SCUBE1: variants seen among roughly 807,000 people sequenced by gnomAD.
SCUBE1 encodes signal peptide, CUB domain and EGF like domain containing 1.
SCUBE1 carries 59 observed loss-of-function variants against 124.4 expected under a neutral mutation model. The ratio of observed to expected loss-of-function variants is 0.47; its 90% CI spans 0.38 to 0.59. The LOEUF (loss-of-function observed/expected upper bound fraction) is 0.59, where lower values mean the gene tolerates loss of function less well. SCUBE1 is among the 20% of genes least tolerant of loss of function. The pLI is 0.00. For missense variants in SCUBE1, 1,150 were observed against 1,371.2 expected (o/e 0.84, Z 2.55); for synonymous variants, 545 against 550.9 (o/e 0.99, Z 0.15).
intron 5 of SCUBE1, among the ~76,000 whole-genome samples, chr22:43,260,075 C>T (rs1056304535): frequency 3.9e-5 from 6 of 152,166 alleles, no homozygotes; most frequent in African/African-American, 1.2e-4. Flanking sequence ...TTGGGCTGGA[C>T]GTCGTGTGTC....
chr22:43,243,467 G>A (rs1196457274), intron 6 of SCUBE1, among the ~76,000 whole-genome samples: 2 of 152,254 alleles, frequency 1.3e-5, no homozygotes, highest in Admixed American at 6.5e-5. Flanking sequence ...GAGGCCGGGC[G>A]CTCCACTGGA....
intron 4 of SCUBE1, among the ~76,000 whole-genome samples, chr22:43,265,252 A>G (rs189077202): frequency 2.7e-4 from 41 of 152,262 alleles, no homozygotes; most frequent in African/African-American, 9.9e-4. Flanking sequence ...TTGAGACTCT[A>G]AAGACTTTAA....
chr22:43,230,145 T>C (rs1292774261), intron 8 of SCUBE1, among the ~76,000 whole-genome samples: 1 of 152,142 alleles, frequency 6.6e-6, no homozygotes, highest in East Asian at 1.9e-4. Flanking sequence ...ATCTGAAGGA[T>C]GGGACCAGCC....
chr22:43,251,860 GGA>G (rs1187411909), intron 6 of SCUBE1, among the ~76,000 whole-genome samples: 1 of 152,154 alleles, frequency 6.6e-6, no homozygotes, highest in Non-Finnish European at 1.5e-5. Flanking sequence ...CATGCTCCAG[GGA>G]GAGGGGCTTG....
In SCUBE1 at chr22:43,281,452, ATCTC is replaced by A. The variant is rs1569010610; in HGVS notation, c.484+9590_484+9593del. Among the ~76,000 whole-genome samples the A allele has an allele frequency of 1.3e-3, 62 of 46,926 alleles. 5 individuals are homozygous for A. Among genetic ancestry groups the A allele is most frequent in the African/African-American group, 9.8e-3 (44 of 4,500 alleles). The allele number at this position is 46,926 out of a possible 152,430, so 30.8% of individuals were successfully genotyped here. A position where few individuals can be genotyped will look rare whatever the true frequency, so the allele number is the denominator to read the frequency against. On this transcript the variant is annotated intron_variant, in intron 4 of 21. Transcript: ENST00000360835. Reference sequence around the variant, plus strand: ...CACCTCCCTTGGCCACCCTCCTGTCATCTCCCTCAGCCACCCTCCTGTCACCTCC... The same window carrying A: ...CACCTCCCTTGGCCACCCTCCTGTCACCTCAGCCACCCTCCTGTCACCTCC...
intron 2 of SCUBE1, among the ~76,000 whole-genome samples, chr22:43,321,022 G>A (rs145028899): frequency 1.4e-4 from 21 of 152,262 alleles, no homozygotes; most frequent in African/African-American, 3.4e-4. Context: ...CATCTCAACC[G>A]GCAGTCACCC....
At chr22:43,324,031 C>A (rs1311808720) in intron 2 of SCUBE1, among the ~76,000 whole-genome samples, 1 of 152,188 alleles carries the variant, frequency 6.6e-6, no homozygotes, top group African/African-American at 2.4e-5. Context: ...TGTAATCCAA[C>A]TGGCTATTTT....
rs73166125 is a variant in SCUBE1, at chr22:43,342,441, G to T, written c.88+733C>A. Among the ~76,000 whole-genome samples the T allele has an allele frequency of 7.6e-3, 1,161 of 151,990 alleles. 8 individuals carry two copies. The highest frequency in any genetic ancestry group is 0.011 in the Non-Finnish European group (735 of 67,940). ...CTCCCCGTCCTGTCAGACGGTCCCGGTCCCTCGTCTGCGGCTTTCCAGGTA... is the reference window on the plus strand; with the variant it reads ...CTCCCCGTCCTGTCAGACGGTCCCGTTCCCTCGTCTGCGGCTTTCCAGGTA... On this transcript the variant is annotated intron_variant, in intron 1 of 21. Transcript: ENST00000360835.
chr22:43,212,056 C>T (rs1921583898), intron 17 of SCUBE1, among the ~76,000 whole-genome samples: 1 of 152,104 alleles, frequency 6.6e-6, no homozygotes, highest in Non-Finnish European at 1.5e-5. Flanking sequence ...CCTGAACAGA[C>T]AGCAGTTGAG....
chr22:43,243,892 G>A (rs1007409540), intron 6 of SCUBE1, among the ~76,000 whole-genome samples: 8 of 152,220 alleles, frequency 5.3e-5, no homozygotes, highest in African/African-American at 1.9e-4. Flanking sequence ...CTCTGCCTAT[G>A]GAGACTCAGA....
intron 6 of SCUBE1, among the ~76,000 whole-genome samples, chr22:43,243,664 G>A (rs1013648074): frequency 1.3e-5 from 2 of 152,238 alleles, no homozygotes; most frequent in African/African-American, 2.4e-5. Flanking sequence ...AGGGACAGGC[G>A]CTATGGAGGC....
At chr22:43,323,816 T>C (rs1178280735) in intron 2 of SCUBE1, among the ~76,000 whole-genome samples, 1 of 152,110 alleles carries the variant, frequency 6.6e-6, no homozygotes, top group Non-Finnish European at 1.5e-5. Context: ...GCTTACAAAA[T>C]ACATACAACA....
chr22:43,223,873 T>C (rs937347616), intron 10 of SCUBE1, among the ~76,000 whole-genome samples: 1 of 152,232 alleles, frequency 6.6e-6, no homozygotes, highest in East Asian at 1.9e-4. Context: ...GTTACTCCAG[T>C]GTAACCAGGC....
At chr22:43,334,769 A>G (rs1394902389) in intron 2 of SCUBE1, among the ~76,000 whole-genome samples, 2 of 152,228 alleles carry the variant, frequency 1.3e-5, no homozygotes, top group Non-Finnish European at 2.9e-5. Context: ...GTGCTTATAT[A>G]CAGCATCATA....
chr22:43,289,088 C>T (rs974922816), intron 4 of SCUBE1, among the ~76,000 whole-genome samples: 1 of 152,192 alleles, frequency 6.6e-6, no homozygotes, highest in Non-Finnish European at 1.5e-5. Context: ...GGGAGAAAGC[C>T]GGGCTTCAAA....
At chr22:43,223,468 C>A (rs1431699509) in intron 10 of SCUBE1, among the ~76,000 whole-genome samples, 6 of 152,168 alleles carry the variant, frequency 3.9e-5, no homozygotes, top group Non-Finnish European at 8.8e-5. Context: ...ATGTCCCCAT[C>A]CCCAGATCAG....
chr22:43,240,043 C>T (rs1922941512), intron 6 of SCUBE1, among the ~76,000 whole-genome samples: 2 of 152,228 alleles, frequency 1.3e-5, no homozygotes, highest in East Asian at 1.9e-4. Context: ...ATGCATGGTG[C>T]CTTTCCTTTG....
Position 43,214,168 on chromosome 22 carries a change from C to A in SCUBE1, c.1975G>T (p.Gly659Cys). 4 of 1,613,112 alleles carry A rather than the reference C, an allele frequency of 2.5e-6. No homozygotes were observed. The highest frequency in any genetic ancestry group is 2.5e-6 in the Non-Finnish European group (3 of 1,179,948). The change falls in exon 16 of 22, where the codon GGC (glycine) becomes TGC (cysteine). Residue 659 changes from glycine to cysteine, a missense_variant. Physicochemically the swap from Gly to Cys is radical, Grantham distance 159. Coordinates refer to ENST00000360835, the MANE Select transcript of SCUBE1 (RefSeq NM_173050.5). ...CMPGTYQDME[G>C]QLSCTPCPSS... ...GGGCACGGTGTGCAACTGAGCTGGCCTTCCATGTCCTGGTATGTTCCTGGC... is the reference window on the plus strand; with the variant it reads ...GGGCACGGTGTGCAACTGAGCTGGCATTCCATGTCCTGGTATGTTCCTGGC...
At chr22:43,259,664 G>A (rs1016035586) in intron 5 of SCUBE1, among the ~76,000 whole-genome samples, 3 of 152,200 alleles carry the variant, frequency 2.0e-5, no homozygotes, top group East Asian at 1.9e-4. Flanking sequence ...CACAGCGGGC[G>A]AGGAGGATGT....
Sources: gnomAD v4.1 joint callset for allele counts (sites outside exome capture counted in the v4.1 genomes callset) on GRCh38, gnomAD v4.1.1 for gene constraint, MANE v1.5 for transcripts, NCBI Gene and HGNC (gene_info 2026-07-23, HGNC 2026-07-21) for gene names.